Variants in PTGER3 observed in about 807,000 individuals in gnomAD.
PTGER3 encodes the protein prostaglandin E receptor 3.
In PTGER3, 22 loss-of-function variants were observed where a neutral mutation model predicts 34.7. That is an observed-to-expected ratio of 0.63 (90% CI 0.45 to 0.91). The LOEUF (loss-of-function observed/expected upper bound fraction) is 0.91. Among genes scored for constraint, PTGER3 ranks in the 40% least tolerant of loss-of-function variants. The probability of loss-of-function intolerance (pLI) is 0.00; values close to 1 mark genes in which losing one functional copy is unlikely to be tolerated. For synonymous variants in PTGER3, 241 were observed against 230.1 expected (o/e 1.05, Z -0.43); for missense variants, 468 against 519.4 (o/e 0.90, Z 0.96).
At chr1:70,921,142 G>GT (rs1239136681) in intron 4 of PTGER3, among the ~76,000 whole-genome samples, 2 of 152,024 alleles carry the variant, frequency 1.3e-5, no homozygotes, top group Non-Finnish European at 2.9e-5. Context: ...CTATTATGTT[G>GT]TACATACTAT....
intron 2 of PTGER3, among the ~76,000 whole-genome samples, chr1:70,984,739 T>TA (rs967910657): frequency 6.0e-5 from 9 of 151,066 alleles, no homozygotes; most frequent in South Asian, 2.1e-4. Context: ...GAAATAAAAT[T>TA]AAAAAAAAAT....
At chr1:70,911,812 C>A (rs1370478844) in intron 4 of PTGER3, among the ~76,000 whole-genome samples, 3 of 152,120 alleles carry the variant, frequency 2.0e-5, no homozygotes, top group Non-Finnish European at 4.4e-5. Context: ...CCACAATGAA[C>A]AAAATGCCCC....
chr1:70,935,977 C>A (rs930433503), intron 4 of PTGER3, among the ~76,000 whole-genome samples: 1 of 151,990 alleles, frequency 6.6e-6, no homozygotes, highest in African/African-American at 2.4e-5. Flanking sequence ...TTAGGACTAA[C>A]GCTGTGAGAG....
chr1:71,028,561 C>T (rs1179687348), intron 1 of PTGER3, among the ~76,000 whole-genome samples: 1 of 152,016 alleles, frequency 6.6e-6, no homozygotes, highest in Non-Finnish European at 1.5e-5. Flanking sequence ...ATGTTTTTTC[C>T]TTTGTTTTTT....
chr1:70,983,422 T>G (rs1384897369), intron 2 of PTGER3, among the ~76,000 whole-genome samples: 1 of 152,186 alleles, frequency 6.6e-6, no homozygotes, highest in Non-Finnish European at 1.5e-5. Context: ...TTCTGCTCTA[T>G]GCCCACATAT....
intron 4 of PTGER3, among the ~76,000 whole-genome samples, chr1:70,922,021 A>C (rs1647577752): frequency 6.6e-6 from 1 of 152,192 alleles, no homozygotes. Flanking sequence ...TGTTGGTAAA[A>C]TTAAAATGTT....
chr1:70,892,756 G>T (rs1437570793), intron 4 of PTGER3, among the ~76,000 whole-genome samples: 1 of 148,990 alleles, frequency 6.7e-6, no homozygotes, highest in Non-Finnish European at 1.5e-5. Context: ...CAGGAGAATT[G>T]CTTGAACCCA....
intron 1 of PTGER3, among the ~76,000 whole-genome samples, chr1:71,039,649 C>CAAAAA (rs1183485427): frequency 1.8e-5 from 1 of 54,454 alleles, no homozygotes; most frequent in Non-Finnish European, 4.0e-5. Context: ...GACTCTGTCT[C>CAAAAA]AAAAAAAAAA....
At chr1:71,009,338 A>G (rs778720529) in intron 2 of PTGER3, 13 of 981,220 alleles carry the variant, frequency 1.3e-5, no homozygotes, top group Non-Finnish European at 1.6e-5. Context: ...GTAGAAATAT[A>G]TGTATACCCT....
chr1:70,973,947 C>T (rs1468362731), intron 3 of PTGER3, among the ~76,000 whole-genome samples: 8 of 152,056 alleles, frequency 5.3e-5, no homozygotes, highest in African/African-American at 1.2e-4. Flanking sequence ...ATGGCGAACA[C>T]GCTGGATTCT....
intron 4 of PTGER3, among the ~76,000 whole-genome samples, chr1:70,943,847 GGAGAGAGAGAGAGA>G (rs60989903): frequency 4.3e-5 from 6 of 138,336 alleles, no homozygotes; most frequent in South Asian, 2.4e-4. Flanking sequence ...GGAGAGAGAG[GGAGAGAGAGAGAGA>G]GAGAGAGAGA....
intron 4 of PTGER3, among the ~76,000 whole-genome samples, chr1:70,922,996 C>A (rs967551488): frequency 6.6e-6 from 1 of 152,060 alleles, no homozygotes; most frequent in Non-Finnish European, 1.5e-5. Context: ...ATGATCTGAC[C>A]TGTAAGAAAA....
intron 1 of PTGER3, among the ~76,000 whole-genome samples, chr1:71,045,020 G>C (rs1660637175): frequency 6.6e-6 from 1 of 152,130 alleles, no homozygotes; most frequent in Admixed American, 6.5e-5. Flanking sequence ...AGCCATAAAA[G>C]TAAATACTGT....
intron 4 of PTGER3, among the ~76,000 whole-genome samples, chr1:70,922,127 A>G (rs186579985): frequency 5.9e-5 from 9 of 152,252 alleles, no homozygotes; most frequent in Admixed American, 5.9e-4. Flanking sequence ...GCTTTTAAAA[A>G]CTGTTCATTT....
intron 4 of PTGER3, among the ~76,000 whole-genome samples, chr1:70,893,229 G>A (rs536579741): frequency 2.0e-5 from 3 of 152,164 alleles, no homozygotes; most frequent in African/African-American, 7.2e-5. Context: ...AATAATCCAT[G>A]TGGGGTAGAT....
intron 4 of PTGER3, among the ~76,000 whole-genome samples, chr1:70,941,530 T>C (rs745503740): frequency 4.6e-5 from 7 of 152,214 alleles, no homozygotes; most frequent in Non-Finnish European, 1.0e-4. Flanking sequence ...TATGACTTAC[T>C]GGCACCTCTG....
chr1:70,981,320 C>T (rs1053589707), intron 2 of PTGER3, among the ~76,000 whole-genome samples: 1 of 71,330 alleles, frequency 1.4e-5, no homozygotes, highest in East Asian at 3.8e-4. Flanking sequence ...TCCTTCCTTT[C>T]TTCTTTCTTT....
intron 1 of PTGER3, among the ~76,000 whole-genome samples, chr1:71,023,447 TC>T (rs1383460174): frequency 6.6e-6 from 1 of 151,878 alleles, no homozygotes; most frequent in Non-Finnish European, 1.5e-5. Context: ...AGCCTCCTCT[TC>T]TTACTGTGAA....
At chr1:70,940,764 C>A (rs2100542663) in intron 4 of PTGER3, among the ~76,000 whole-genome samples, 2 of 152,292 alleles carry the variant, frequency 1.3e-5, no homozygotes, top group East Asian at 3.9e-4. Context: ...CTGGGAGATA[C>A]AATTCAAGTT....
Sources: gnomAD v4.1 joint callset for allele counts (sites outside exome capture counted in the v4.1 genomes callset) on GRCh38, gnomAD v4.1.1 for gene constraint, MANE v1.5 for transcripts, NCBI Gene and HGNC (gene_info 2026-07-23, HGNC 2026-07-21) for gene names.